The following GSG1L variants were observed in gnomAD, a reference collection of about 807,000 sequenced individuals.
The protein encoded by GSG1L is germ cell-specific gene 1-like protein.
GSG1L carries 24 observed loss-of-function variants against 42.1 expected under a neutral mutation model. The ratio of observed to expected loss-of-function variants is 0.57; its 90% CI spans 0.41 to 0.80. GSG1L has a LOEUF of 0.80. Ranked by LOEUF, GSG1L falls within the 30% of genes least tolerant of loss-of-function variation. The pLI is 0.00. For missense variants in GSG1L, 445 were observed against 472.2 expected, an observed-to-expected ratio of 0.94 and a Z score of 0.53; for synonymous variants, 215 against 203.5, an observed-to-expected ratio of 1.06 and a Z score of -0.48.
chr16:27,949,861 C>T (rs150083307), intron 2 of GSG1L, among the ~76,000 whole-genome samples: 5,907 of 152,258 alleles, frequency 0.039, 387 homozygotes, highest in African/African-American at 0.13. Context: ...GGAGGCAGAG[C>T]TTGCGGTGAG....
At chr16:28,003,023 T>A (rs2141145967) in intron 1 of GSG1L, among the ~76,000 whole-genome samples, 1 of 152,288 alleles carries the variant, frequency 6.6e-6, no homozygotes, top group East Asian at 1.9e-4. Flanking sequence ...CCAAAAGCCC[T>A]GGGGCAGGAA....
chr16:28,032,084 C>A (rs1440300688), intron 1 of GSG1L, among the ~76,000 whole-genome samples: 3 of 152,200 alleles, frequency 2.0e-5, no homozygotes, highest in Non-Finnish European at 4.4e-5. Context: ...TCAGGAGACA[C>A]GGAAGAGAAG....
At chr16:27,989,281 GCTTTCTTA>G (rs772109650) in intron 1 of GSG1L, among the ~76,000 whole-genome samples, 13 of 152,024 alleles carry the variant, frequency 8.6e-5, no homozygotes, top group Non-Finnish European at 1.6e-4. Context: ...GTGTTTTAAA[GCTTTCTTA>G]CTTTGATATC....
chr16:27,838,266 G>A (rs1466398617), intron 4 of GSG1L, among the ~76,000 whole-genome samples: 2 of 152,314 alleles, frequency 1.3e-5, no homozygotes, highest in African/African-American at 4.8e-5. Context: ...TAAAAACAGA[G>A]AAAAGGACAG....
chr16:27,796,217 T>A (rs2082816310), intron 6 of GSG1L, among the ~76,000 whole-genome samples: 1 of 152,302 alleles, frequency 6.6e-6, no homozygotes, highest in South Asian at 2.1e-4. Flanking sequence ...AGCCTCTCTC[T>A]ATAGGACTCA....
intron 1 of GSG1L, among the ~76,000 whole-genome samples, chr16:28,005,341 T>C (rs1415923875): frequency 1.3e-5 from 2 of 152,196 alleles, no homozygotes; most frequent in Admixed American, 6.5e-5. Flanking sequence ...CTCGAATTCC[T>C]GACCTCAAGT....
At chr16:27,795,233 A>T (rs963510545) in intron 6 of GSG1L, among the ~76,000 whole-genome samples, 1 of 151,726 alleles carries the variant, frequency 6.6e-6, no homozygotes, top group African/African-American at 2.4e-5. Flanking sequence ...GGAGAGAGTG[A>T]TTCCTGCGCT....
At chr16:28,034,378 T>G (rs2086008313) in intron 1 of GSG1L, among the ~76,000 whole-genome samples, 1 of 152,150 alleles carries the variant, frequency 6.6e-6, no homozygotes, top group South Asian at 2.1e-4. Flanking sequence ...TCTATTTGGC[T>G]GCAAGCGACA....
intron 2 of GSG1L, among the ~76,000 whole-genome samples, chr16:27,930,975 C>T (rs1286065042): frequency 6.6e-6 from 1 of 152,170 alleles, no homozygotes; most frequent in Non-Finnish European, 1.5e-5. Flanking sequence ...TGGTCTTGAA[C>T]TCCTGGGCTC....
intron 1 of GSG1L, among the ~76,000 whole-genome samples, chr16:27,997,041 C>T (rs997819142): frequency 2.0e-5 from 3 of 152,180 alleles, no homozygotes; most frequent in South Asian, 4.1e-4. Context: ...GGATTCCAGG[C>T]ATGAGCCACC....
intron 1 of GSG1L, among the ~76,000 whole-genome samples, chr16:28,014,650 C>A (rs566918187): frequency 2.2e-5 from 3 of 137,956 alleles, no homozygotes; most frequent in Non-Finnish European, 4.6e-5. Context: ...ACTACAGGCA[C>A]GCTATTTTTT....
At chr16:27,974,122 G>A (rs1036083237) in intron 1 of GSG1L, among the ~76,000 whole-genome samples, 3 of 152,134 alleles carry the variant, frequency 2.0e-5, no homozygotes, top group Non-Finnish European at 2.9e-5. Flanking sequence ...TATTCCCAGA[G>A]GCCCACTGGA....
chr16:27,906,344 G>A (rs1029818188), intron 2 of GSG1L, among the ~76,000 whole-genome samples: 2 of 152,108 alleles, frequency 1.3e-5, no homozygotes, highest in Admixed American at 6.5e-5. Context: ...TTTCCCTGGC[G>A]GAAACATTTA....
At chr16:28,019,468 G>GA (rs986548825) in intron 1 of GSG1L, among the ~76,000 whole-genome samples, 7 of 152,184 alleles carry the variant, frequency 4.6e-5, no homozygotes, top group African/African-American at 1.7e-4. Flanking sequence ...ACTTTTCCCA[G>GA]AAAACTCTTG....
chr16:27,838,090 G>A (rs1278064014), intron 4 of GSG1L, among the ~76,000 whole-genome samples: 4 of 152,282 alleles, frequency 2.6e-5, no homozygotes, highest in East Asian at 3.9e-4. Flanking sequence ...GGAATCCTTA[G>A]TGTTTGTTTT....
At chr16:27,977,529 C>T (rs1260523481) in intron 1 of GSG1L, among the ~76,000 whole-genome samples, 1 of 132,478 alleles carries the variant, frequency 7.5e-6, no homozygotes, top group Non-Finnish European at 1.5e-5. Flanking sequence ...CACTGCACTC[C>T]AGCCTGGGCT....
intron 6 of GSG1L, among the ~76,000 whole-genome samples, chr16:27,805,886 T>C (rs140825981): frequency 0.016 from 2,411 of 151,852 alleles, 73 homozygotes; most frequent in African/African-American, 0.056. Context: ...ACTCTTCCAG[T>C]GGTAGGGACC....
intron 2 of GSG1L, among the ~76,000 whole-genome samples, chr16:27,959,731 A>C (rs924776908): frequency 4.6e-5 from 7 of 152,088 alleles, no homozygotes; most frequent in African/African-American, 1.7e-4. Flanking sequence ...GCAGTGAGCT[A>C]CGATCGCACC....
In GSG1L at chr16:27,830,564, T is replaced by C. The variant is rs903987073; in HGVS notation, c.663-1608A>G. On this transcript the variant is annotated intron_variant, in intron 4 of 6. Coordinates refer to ENST00000447459, the MANE Select transcript of GSG1L (RefSeq NM_001109763.2). ...TTTCTTTCATGATAAGGAGCTGATG[T>C]AGATCTTCCAGAAGCCCTGACTGTC... 3.9e-5 allele frequency among the ~76,000 whole-genome samples: 6 copies of C among 152,326 alleles called. No individual in the cohort carries two copies. In the East Asian group the frequency reaches 1.2e-3, roughly 29 times the overall value.
Sources: gnomAD v4.1 joint callset for allele counts (sites outside exome capture counted in the v4.1 genomes callset) on GRCh38, gnomAD v4.1.1 for gene constraint, MANE v1.5 for transcripts, NCBI Gene and HGNC (gene_info 2026-07-23, HGNC 2026-07-21) for gene names.